LRRC28: variants seen among roughly 807,000 people sequenced by gnomAD.
LRRC28 encodes leucine-rich repeat-containing protein 28.
In LRRC28, 39 loss-of-function variants were observed where a neutral mutation model predicts 45.7. That is an observed-to-expected ratio of 0.85 (90% confidence interval 0.66 to 1.12). The LOEUF (loss-of-function observed/expected upper bound fraction) is 1.12, where lower values mean the gene tolerates loss of function less well. Ranked by LOEUF, LRRC28 falls within the 50% of genes most tolerant of loss-of-function variation. The pLI, the probability that LRRC28 is intolerant of heterozygous loss-of-function variation, is 0.00. For synonymous variants in LRRC28, 206 were observed against 178.8 expected, an observed-to-expected ratio of 1.15 and a Z score of -1.22; for missense variants, 435 against 438.5, an observed-to-expected ratio of 0.99 and a Z score of 0.07.
At chr15:99,384,734 C>A in intron 9 of LRRC28, 1 of 152,306 alleles carries the variant, frequency 6.6e-6, no homozygotes, top group Non-Finnish European at 1.5e-5. Context: ...TTTGAGTAAC[C>A]ATGATGCCAC....
At chr15:99,334,856 G>C (rs1017143426) in intron 6 of LRRC28, among the ~76,000 whole-genome samples, 1 of 152,046 alleles carries the variant, frequency 6.6e-6, no homozygotes, top group Admixed American at 6.6e-5. Flanking sequence ...ACTCATAAAA[G>C]CATTTTTATA....
intron 9 of LRRC28, among the ~76,000 whole-genome samples, chr15:99,372,914 C>T (rs1957523464): frequency 6.6e-6 from 1 of 152,086 alleles, no homozygotes; most frequent in Non-Finnish European, 1.5e-5. Context: ...CTTCACATGG[C>T]AGCAGGAGAG....
rs74959535 is a variant in LRRC28 at position 99,339,278 on chromosome 15, C to T, written c.592+5149C>T. Among the ~76,000 whole-genome samples the T allele has an allele frequency of 5.1e-4, 77 of 152,266 alleles. No individual in the cohort carries two copies. The East Asian group carries it at 0.014, about 28-fold the overall frequency. The stretch of plus-strand genomic sequence containing the variant: ...AATAATAGATATAAGGATTGTGTTC[C>T]GTTCACAAATTGACTATGGAAGAGC... On this transcript the variant is annotated intron_variant, in intron 6 of 9. Transcript: ENST00000301981.
At chr15:99,382,178 C>T (rs923721250) in intron 9 of LRRC28, among the ~76,000 whole-genome samples, 6 of 152,210 alleles carry the variant, frequency 3.9e-5, no homozygotes, top group African/African-American at 1.4e-4. Flanking sequence ...GTGGGCTCCA[C>T]CCAGTTCGAG....
At chr15:99,295,936 T>C (rs888690416) in intron 5 of LRRC28, among the ~76,000 whole-genome samples, 1 of 152,236 alleles carries the variant, frequency 6.6e-6, no homozygotes, top group African/African-American at 2.4e-5. Context: ...GAATGAAATT[T>C]AGTATCCTTT....
chr15:99,257,151 C>G (rs2081046425), intron 2 of LRRC28, among the ~76,000 whole-genome samples: 2 of 152,142 alleles, frequency 1.3e-5, no homozygotes, highest in African/African-American at 4.8e-5. Flanking sequence ...TATCTTTGCT[C>G]TGTCTGGAAG....
Position 99,354,664 on chromosome 15 carries a change from C to T in LRRC28, c.695+2193C>T, listed in dbSNP as rs147196907. ...CAGTGATGAGCTAAGCGATGCAGTA[C>T]CTGCCCGCATGGACCTTCTGATCTA... On this transcript the variant is annotated intron_variant, in intron 7 of 9. Coordinates refer to ENST00000301981, the MANE Select transcript of LRRC28 (RefSeq NM_144598.5). Among the ~76,000 whole-genome samples the T allele has an allele frequency of 4.6e-3, 704 of 152,314 alleles. 3 individuals carry two copies. Among genetic ancestry groups the T allele is most frequent in the Non-Finnish European group, 6.0e-3 (408 of 68,022 alleles).
chr15:99,373,809 G>A (rs997439021), intron 9 of LRRC28, among the ~76,000 whole-genome samples: 1 of 152,080 alleles, frequency 6.6e-6, no homozygotes, highest in African/African-American at 2.4e-5. Context: ...CTTCTGTTTT[G>A]ATAAAGTTAA....
chr15:99,345,039 T>C (rs879311465), intron 6 of LRRC28, among the ~76,000 whole-genome samples: 2 of 152,220 alleles, frequency 1.3e-5, no homozygotes, highest in Non-Finnish European at 2.9e-5. Context: ...CTGCCATATA[T>C]TGGAGAAGGT....
chr15:99,347,808 C>G (rs1203702490), intron 6 of LRRC28, among the ~76,000 whole-genome samples: 1 of 152,114 alleles, frequency 6.6e-6, no homozygotes, highest in Non-Finnish European at 1.5e-5. Context: ...AGAGGGATTG[C>G]TGAGTCATGT....
rs1016692842 is a variant in LRRC28 at position 99,340,732 on chromosome 15, A to G, written c.592+6603A>G. 2.6e-5 allele frequency among the ~76,000 whole-genome samples: 4 copies of G among 152,218 alleles called. No individual in the cohort carries two copies. The East Asian group carries it at 7.7e-4, about 29-fold the overall frequency. On this transcript the variant is annotated intron_variant, in intron 6 of 9. Coordinates refer to ENST00000301981, the MANE Select transcript of LRRC28 (RefSeq NM_144598.5). ...GTTGGAGTGAGTTCTGTGTTTGAGT[A>G]GAAGGTATGAAAGGTGTGATAGCTG...
chr15:99,362,685 G>A (rs957228285), intron 8 of LRRC28, among the ~76,000 whole-genome samples: 3 of 152,116 alleles, frequency 2.0e-5, no homozygotes, highest in African/African-American at 7.2e-5. Context: ...CTTGGTGGAG[G>A]ATTGATACTA....
intron 3 of LRRC28, among the ~76,000 whole-genome samples, chr15:99,281,896 G>A (rs2081803509): frequency 6.6e-6 from 1 of 152,168 alleles, no homozygotes; most frequent in Non-Finnish European, 1.5e-5. Flanking sequence ...AACACTGTGA[G>A]CTTTGCAGGC....
chr15:99,345,991 A>AC (rs933021863), intron 6 of LRRC28, among the ~76,000 whole-genome samples: 38 of 149,578 alleles, frequency 2.5e-4, no homozygotes, highest in African/African-American at 8.1e-4. Flanking sequence ...CTCTCTTTTT[A>AC]TTTTTTTTTT....
At chr15:99,360,531 A>T (rs928300651) in intron 7 of LRRC28, among the ~76,000 whole-genome samples, 3 of 149,948 alleles carry the variant, frequency 2.0e-5, no homozygotes, top group African/African-American at 7.6e-5. Context: ...AAAATAAATG[A>T]ATCAAGGGCT....
chr15:99,305,284 CT>C (rs1308951271), intron 5 of LRRC28, among the ~76,000 whole-genome samples: 3 of 152,242 alleles, frequency 2.0e-5, no homozygotes, highest in African/African-American at 7.2e-5. Flanking sequence ...TTGTGAACAG[CT>C]TTTTAATATA....
At chr15:99,320,050 G>A (rs563205167) in intron 5 of LRRC28, among the ~76,000 whole-genome samples, 2 of 152,068 alleles carry the variant, frequency 1.3e-5, no homozygotes, top group Admixed American at 6.6e-5. Context: ...CAGGTGATCC[G>A]CCCTTCTCAG....
chr15:99,319,657 T>C (rs1213201495), intron 5 of LRRC28, among the ~76,000 whole-genome samples: 2 of 102,006 alleles, frequency 2.0e-5, no homozygotes, highest in East Asian at 5.1e-4. Flanking sequence ...CAAAACAGTG[T>C]GGTTTTTTTT....
rs1193727131 is a variant in LRRC28 at position 99,259,534 on chromosome 15, G to T, written c.168+3409G>T. 6 of 1,230,068 alleles carry T rather than the reference G, an allele frequency of 4.9e-6. No individual in the cohort carries two copies. In the East Asian group the frequency reaches 1.4e-4, roughly 28 times the overall value. 76.2% of individuals were successfully genotyped at this position (1,230,068 alleles called of 1,614,324 possible). A position where few individuals can be genotyped will look rare whatever the true frequency, so the allele number is the denominator to read the frequency against. ...AAAAGGCTATGGTATCTCAGTGCCT[G>T]ACAGAATCTCTGTGTGCTTTGGTGG... On this transcript the variant is annotated intron_variant, in intron 2 of 9. Coordinates refer to ENST00000301981, the MANE Select transcript of LRRC28 (RefSeq NM_144598.5).
Sources: allele counts gnomAD v4.1 joint callset (sites outside exome capture counted in the v4.1 genomes callset), GRCh38; gene constraint gnomAD v4.1.1; transcripts MANE v1.5; gene names NCBI Gene and HGNC (gene_info 2026-07-23, HGNC 2026-07-21).